The following C12orf42 variants were observed in gnomAD, a reference collection of about 807,000 sequenced individuals.
C12orf42 encodes the protein chromosome 12 open reading frame 42, also known as uncharacterized protein C12orf42.
In C12orf42, 25 loss-of-function variants were observed where a neutral mutation model predicts 21.6. The observed-to-expected ratio is 1.16, with a 90% CI of 0.84 to 1.62. The LOEUF (loss-of-function observed/expected upper bound fraction) is 1.62, where lower values mean the gene tolerates loss of function less well. Ranked by LOEUF, C12orf42 falls within the 40% of genes most tolerant of loss-of-function variation. C12orf42 has a pLI of 0.00. For missense variants in C12orf42, 483 were observed against 459.3 expected (o/e 1.05, Z -0.47); for synonymous variants, 174 against 175.0 (o/e 0.99, Z 0.05).
chr12:103,258,613 C>T (rs1846132660), intron 10 of C12orf42, among the ~76,000 whole-genome samples: 1 of 151,434 alleles, frequency 6.6e-6, no homozygotes, highest in Admixed American at 6.6e-5. Context: ...ACTATACAAA[C>T]CATTAGAACT....
chr12:103,346,310 C>T (rs2042618284), intron 4 of C12orf42, among the ~76,000 whole-genome samples: 1 of 152,190 alleles, frequency 6.6e-6, no homozygotes, highest in Non-Finnish European at 1.5e-5. Context: ...CAGCACATAA[C>T]TGTGGTTTAT....
At chr12:103,337,914 T>C (rs537611835) in intron 4 of C12orf42, among the ~76,000 whole-genome samples, 3 of 152,346 alleles carry the variant, frequency 2.0e-5, no homozygotes, top group Admixed American at 6.5e-5. Flanking sequence ...AGTCTCTACC[T>C]GACCTCATTT....
At chr12:103,396,704 AAAG>A (rs1185548020) in intron 3 of C12orf42, 1 of 152,214 alleles carries the variant, frequency 6.6e-6, no homozygotes, top group Non-Finnish European at 1.5e-5. Context: ...TCAGGACCTG[AAAG>A]AAGGTGCATT....
chr12:103,275,525 A>T (rs986220522), intron 5 of C12orf42, among the ~76,000 whole-genome samples: 3 of 152,150 alleles, frequency 2.0e-5, no homozygotes, highest in African/African-American at 7.2e-5. Flanking sequence ...AGTAATCCTG[A>T]CCTTAGATAA....
At chr12:103,496,710 C>T (rs766134720), upstream of C12orf42, among the ~76,000 whole-genome samples, 4 of 151,560 alleles carry the variant, frequency 2.6e-5, no homozygotes, top group Non-Finnish European at 4.4e-5. Context: ...CACTCTTCTG[C>T]AGAATCACAG....
the C12orf42 span, among the ~76,000 whole-genome samples, chr12:103,112,168 T>A: frequency 3.3e-5 from 5 of 152,188 alleles, no homozygotes; most frequent in African/African-American, 1.2e-4. Flanking sequence ...CCTGTGGATG[T>A]GGGATAGGTA....
intron 2 of C12orf42, among the ~76,000 whole-genome samples, chr12:103,420,912 C>T (rs953847033): frequency 6.6e-6 from 1 of 152,190 alleles, no homozygotes; most frequent in Non-Finnish European, 1.5e-5. Context: ...AGCGTTAATT[C>T]CACTATTTCT....
intron 2 of C12orf42, among the ~76,000 whole-genome samples, chr12:103,427,407 T>C (rs979650802): frequency 8.3e-5 from 12 of 145,210 alleles, no homozygotes; most frequent in African/African-American, 3.1e-4. Context: ...GGTAACGGGA[T>C]CAATGCATCA....
the C12orf42 span, among the ~76,000 whole-genome samples, chr12:103,057,166 G>T: frequency 6.6e-6 from 1 of 151,664 alleles, no homozygotes; most frequent in Non-Finnish European, 1.5e-5. Flanking sequence ...CAAGGGAAGG[G>T]GAGAACAGCA....
chr12:103,495,474 C>T (rs1460694387), intron 1 of C12orf42, among the ~76,000 whole-genome samples: 1 of 151,826 alleles, frequency 6.6e-6, no homozygotes, highest in Non-Finnish European at 1.5e-5. Flanking sequence ...GGCGGCGAGC[C>T]GGCCGGGTGG....
chr12:103,506,832 ATAT>A, the C12orf42 span, among the ~76,000 whole-genome samples: 1 of 69,320 alleles, frequency 1.4e-5, no homozygotes, highest in Non-Finnish European at 2.2e-5. Flanking sequence ...ATATATTTAT[ATAT>A]TATATATATA....
chr12:103,460,510 C>G (rs1485848429), intron 2 of C12orf42, among the ~76,000 whole-genome samples: 2 of 152,130 alleles, frequency 1.3e-5, no homozygotes, highest in African/African-American at 4.8e-5. Context: ...GGGTCCAGTA[C>G]TGAGGCTGAG....
At chr12:103,298,530 C>T (rs1205991072), downstream of C12orf42, among the ~76,000 whole-genome samples, 2 of 152,150 alleles carry the variant, frequency 1.3e-5, no homozygotes, top group Non-Finnish European at 2.9e-5. Context: ...GCCATACTGC[C>T]CAAGGTAATT....
chr12:103,109,131 A>G, the C12orf42 span, among the ~76,000 whole-genome samples: 11 of 152,326 alleles, frequency 7.2e-5, no homozygotes, highest in East Asian at 2.1e-3. Flanking sequence ...AGGGCCAAGA[A>G]TGATCAACAA....
chr12:103,340,408 C>T (rs1179565985), intron 4 of C12orf42, among the ~76,000 whole-genome samples: 4 of 152,356 alleles, frequency 2.6e-5, no homozygotes, highest in Admixed American at 6.5e-5. Flanking sequence ...TGCTCAAAAG[C>T]GTCTTGCCTC....
chr12:103,282,358 C>T (rs1479286688), intron 4 of C12orf42, among the ~76,000 whole-genome samples: 1 of 152,170 alleles, frequency 6.6e-6, no homozygotes, highest in Non-Finnish European at 1.5e-5. Context: ...AGACAGACTG[C>T]TTATATGATG....
downstream of C12orf42, among the ~76,000 whole-genome samples, chr12:103,234,717 T>C (rs1395682013): frequency 6.6e-6 from 1 of 152,180 alleles, no homozygotes; most frequent in African/African-American, 2.4e-5. Context: ...TCTATTATAA[T>C]GTCTTTCCCC....
chr12:103,458,441 T>C lies in C12orf42; in HGVS notation c.78+19908A>G, dbSNP rs866156202. Reference sequence around the variant, plus strand: ...ATAGGATAGGCGAAACTAGATCAAATAGCAGCTCTGCGCTTACCCAGGGTG... The same window carrying C: ...ATAGGATAGGCGAAACTAGATCAAACAGCAGCTCTGCGCTTACCCAGGGTG... On this transcript the variant is annotated intron_variant, in intron 2 of 5. Transcript: ENST00000548883. Among the ~76,000 whole-genome samples, 50 of 152,288 alleles carry C rather than the reference T, an allele frequency of 3.3e-4. 1 individual carries two copies. Among genetic ancestry groups the C allele is most frequent in the South Asian group, 2.3e-3 (11 of 4,826 alleles).
chr12:103,317,884 C>T (rs1443163671), intron 4 of C12orf42, among the ~76,000 whole-genome samples: 1 of 152,068 alleles, frequency 6.6e-6, no homozygotes, highest in Non-Finnish European at 1.5e-5. Flanking sequence ...TTAACATATA[C>T]AAAAAGAAAA....
Sources: gnomAD v4.1 joint callset for allele counts (sites outside exome capture counted in the v4.1 genomes callset) on GRCh38, gnomAD v4.1.1 for gene constraint, MANE v1.5 for transcripts, NCBI Gene and HGNC (gene_info 2026-07-23, HGNC 2026-07-21) for gene names.